Variants in ZNF398 observed in about 807,000 individuals in gnomAD.
ZNF398 encodes zinc finger DNA binding protein ZER6.
A neutral mutation model predicts 41.9 loss-of-function variants in ZNF398; 18 were observed. The ratio of observed to expected loss-of-function variants is 0.43; its 90% CI spans 0.30 to 0.64. The LOEUF is 0.64. ZNF398 is among the 30% of genes least tolerant of loss of function. ZNF398 has a pLI of 0.14. For missense variants in ZNF398, 669 were observed against 822.8 expected (o/e 0.81, Z 2.29); for synonymous variants, 260 against 308.8 (o/e 0.84, Z 1.66).
At chr7:149,131,475 C>T (rs1175400491) in intron 2 of ZNF398, among the ~76,000 whole-genome samples, 1 of 152,166 alleles carries the variant, frequency 6.6e-6, no homozygotes, top group Non-Finnish European at 1.5e-5. Context: ...ATCACGAGAT[C>T]AGGAGATTGA....
At chr7:149,166,057 C>G (rs1795219817) in intron 2 of ZNF398, 101 bp from the exon 3 acceptor site, 1 of 1,299,606 alleles carries the variant, frequency 7.7e-7, no homozygotes, top group Non-Finnish European at 1.1e-6. Context: ...ATTGACCACC[C>G]TTTGAAAATG....
intron 4 of ZNF398, 65 bp downstream of exon 4, chr7:149,166,995 C>A: frequency 3.4e-6 from 4 of 1,162,584 alleles, no homozygotes; most frequent in Non-Finnish European, 4.9e-6. Flanking sequence ...TGGCTCAGAG[C>A]TAAGCAGGGC....
At chr7:149,172,707 A>G (rs952796985) in intron 4 of ZNF398, among the ~76,000 whole-genome samples, 4 of 152,220 alleles carry the variant, frequency 2.6e-5, no homozygotes, top group Admixed American at 2.6e-4. Flanking sequence ...TGCAAAAGTT[A>G]CGGCCACAGT....
In ZNF398 at chr7:149,181,290, T is replaced by G. The variant is rs922369576; in HGVS notation, c.*1489T>G. On this transcript the variant is annotated 3_prime_UTR_variant, in exon 6 of 6. Transcript: ENST00000475153. The stretch of plus-strand genomic sequence containing the variant: ...CAGCAAAGTCAAAGCAGATAAATTC[T>G]TGTTGAAACTTGACTAAAATTTATT... 1 of 152,282 alleles carries G rather than the reference T, an allele frequency of 6.6e-6. No homozygotes were observed. The highest frequency in any genetic ancestry group is 6.5e-5 in the Admixed American group (1 of 15,280). 9.4% of individuals were successfully genotyped at this position (152,282 alleles called of 1,614,324 possible). A position where few individuals can be genotyped will look rare whatever the true frequency, so the allele number is the denominator to read the frequency against.
intron 1 of ZNF398, among the ~76,000 whole-genome samples, chr7:149,152,263 C>CTT (rs71192760): frequency 0.58 from 78,484 of 136,346 alleles, 24,428 homozygotes; most frequent in East Asian, 0.89. Context: ...TTAAAGATTT[C>CTT]TTTTTTTTTT....
At chr7:149,174,522 G>T (rs568796962) in intron 4 of ZNF398, among the ~76,000 whole-genome samples, 4 of 152,178 alleles carry the variant, frequency 2.6e-5, no homozygotes, top group African/African-American at 9.6e-5. Flanking sequence ...GCAGGTAAGT[G>T]TTTTAAAAGT....
intron 2 of ZNF398, among the ~76,000 whole-genome samples, chr7:149,164,763 T>A (rs1382796601): frequency 1.3e-5 from 2 of 152,160 alleles, no homozygotes; most frequent in Non-Finnish European, 2.9e-5. Flanking sequence ...AAGTGGATCA[T>A]GATGTCTGCA....
At chr7:149,162,165 G>A (rs900939957) in intron 2 of ZNF398, among the ~76,000 whole-genome samples, 1 of 151,972 alleles carries the variant, frequency 6.6e-6, no homozygotes, top group African/African-American at 2.4e-5. Flanking sequence ...GGGACTACAG[G>A]TGTGCATTAC....
chr7:149,142,690 C>A (rs944713288), upstream of ZNF398, among the ~76,000 whole-genome samples: 1 of 151,938 alleles, frequency 6.6e-6, no homozygotes, highest in Admixed American at 6.6e-5. Flanking sequence ...AAACAAAAAA[C>A]CAGATATTTG....
chr7:149,179,371 G>A lies in ZNF398; in HGVS notation c.1499G>A (p.Arg500His), dbSNP rs368828173. 5.0e-6 allele frequency: 8 copies of A among 1,612,532 alleles called. No homozygotes were observed. The highest frequency in any genetic ancestry group is 2.2e-5 in the East Asian group (1 of 44,786). The part of the protein sequence containing the change: ...IDFNGHSALI[R>H]HQMIHTGERP... ...TTCAACGGCCACTCGGCCCTGATCC[G>A]CCACCAGATGATCCACACAGGCGAG... The change falls in exon 6 of 6, where the codon CGC becomes CAC. Residue 500 changes from arginine (R) to histidine (H), a missense_variant. This residue lies in a region of ZNF398 where 210 missense variants were observed against 290.4 expected (regional missense o/e 0.72). Transcript: ENST00000475153. This position sits in a 1 kb window ranked among gnomAD's most constrained non-coding sequence, Gnocchi z 6.1.
chr7:149,155,411 C>T (rs973505224), intron 2 of ZNF398, among the ~76,000 whole-genome samples: 1 of 152,068 alleles, frequency 6.6e-6, no homozygotes, highest in African/African-American at 2.4e-5. Flanking sequence ...CAGAGTGAGA[C>T]TCCGTCTCCA....
intron 2 of ZNF398, among the ~76,000 whole-genome samples, chr7:149,130,710 A>T (rs1006117645): frequency 6.6e-6 from 1 of 152,192 alleles, no homozygotes; most frequent in Non-Finnish European, 1.5e-5. Flanking sequence ...GGTTTGGTCT[A>T]GGTGCTGCTG....
intron 2 of ZNF398, among the ~76,000 whole-genome samples, chr7:149,158,037 G>A (rs992923169): frequency 6.6e-6 from 1 of 151,988 alleles, no homozygotes; most frequent in African/African-American, 2.4e-5. Context: ...AGCCGAGATC[G>A]TGCCATTGCA....
chr7:149,139,455 G>A (rs1052710742), intron 2 of ZNF398, among the ~76,000 whole-genome samples: 1 of 152,132 alleles, frequency 6.6e-6, no homozygotes, highest in Non-Finnish European at 1.5e-5. Flanking sequence ...GGGCGCGGTG[G>A]CTCACACCTG....
intron 1 of ZNF398, among the ~76,000 whole-genome samples, chr7:149,148,863 CTTTTTTTTTTTTTTTTT>C (rs59895177): frequency 1.5e-3 from 96 of 63,284 alleles, no homozygotes; most frequent in Admixed American, 2.4e-3. Flanking sequence ...TTTTCTTTGT[CTTTTTTTTTTTTTTTTT>C]TTTTTTTTTT....
chr7:149,158,692 G>T (rs1421826477), intron 2 of ZNF398, among the ~76,000 whole-genome samples: 1 of 151,792 alleles, frequency 6.6e-6, no homozygotes, highest in African/African-American at 2.4e-5. Flanking sequence ...AAATTAGCTG[G>T]GCATGGTGGC....
Position 149,178,849 on chromosome 7 carries a change from T to C in ZNF398, c.977T>C (p.Phe326Ser). 1 of 1,614,152 alleles carries C rather than the reference T, an allele frequency of 6.2e-7. No homozygotes were observed. The highest frequency in any genetic ancestry group is 1.7e-5 in the Admixed American group (1 of 60,026). The part of the protein sequence containing the change: ...LPEASEGQVT[F>S]TQLGSYPLPP... ...GAAGCCTCTGAGGGACAAGTGACTTTTACTCAGTTGGGTAGCTATCCCCTC... is the reference window on the plus strand; with the variant it reads ...GAAGCCTCTGAGGGACAAGTGACTTCTACTCAGTTGGGTAGCTATCCCCTC... The change falls in exon 6 of 6, where the codon TTT (phenylalanine) becomes TCT (serine). Residue 326 changes from phenylalanine to serine, a missense_variant. Phe to Ser is a radical substitution (Grantham distance 155). Transcript: ENST00000475153.
intron 4 of ZNF398, among the ~76,000 whole-genome samples, chr7:149,171,430 G>A (rs559520974): frequency 2.0e-5 from 3 of 151,572 alleles, no homozygotes; most frequent in Admixed American, 6.6e-5. Context: ...TTGCAGTGGC[G>A]CAGTCTCCGC....
intron 4 of ZNF398, among the ~76,000 whole-genome samples, chr7:149,167,751 C>T (rs1022276815): frequency 4.0e-5 from 6 of 150,430 alleles, no homozygotes; most frequent in African/African-American, 1.5e-4. Context: ...GCTGGGACTA[C>T]AGGCGCCCGC....
Sources: allele counts gnomAD v4.1 joint callset (sites outside exome capture counted in the v4.1 genomes callset), GRCh38; gene constraint gnomAD v4.1.1; regional missense constraint gnomAD v4.1.1; non-coding constraint Gnocchi (gnomAD v3.1); transcripts MANE v1.5; gene names NCBI Gene and HGNC (gene_info 2026-07-23, HGNC 2026-07-21).